PCDHA6: variants seen among roughly 807,000 people sequenced by gnomAD.
The protein encoded by PCDHA6 is protocadherin alpha-6.
A neutral mutation model predicts 60.3 loss-of-function variants in PCDHA6; 55 were observed. The observed-to-expected ratio is 0.91, with a 90% CI of 0.73 to 1.14. PCDHA6 has a LOEUF of 1.14. Ranked by LOEUF, PCDHA6 falls within the 50% of genes most tolerant of loss-of-function variation. The pLI is 0.00. For synonymous variants in PCDHA6, 652 were observed against 557.9 expected, an observed-to-expected ratio of 1.17 and a Z score of -2.38; for missense variants, 1,327 against 1,256.5, an observed-to-expected ratio of 1.06 and a Z score of -0.85.
At chr5:140,932,727 A>G (rs927294598) in intron 1 of PCDHA6, among the ~76,000 whole-genome samples, 2 of 151,954 alleles carry the variant, frequency 1.3e-5, no homozygotes, top group Non-Finnish European at 2.9e-5. Flanking sequence ...ATTGTATAAT[A>G]TAGACCCTCA....
chr5:140,900,252 AG>A (rs2067859572), intron 1 of PCDHA6, among the ~76,000 whole-genome samples: 1 of 152,096 alleles, frequency 6.6e-6, no homozygotes, highest in South Asian at 2.1e-4. Flanking sequence ...ATGGCTGAAT[AG>A]TACTCCATTG....
intron 1 of PCDHA6, among the ~76,000 whole-genome samples, chr5:140,969,715 A>G (rs1312398688): frequency 6.6e-6 from 1 of 152,082 alleles, no homozygotes; most frequent in Non-Finnish European, 1.5e-5. Context: ...CTACAGGGAA[A>G]TTTTTCTTTT....
chr5:140,927,260 T>G, intron 1 of PCDHA6: 2 of 1,614,070 alleles, frequency 1.2e-6, no homozygotes, highest in Non-Finnish European at 1.7e-6. Flanking sequence ...AACTCACCTC[T>G]CTTTCCTGCC....
chr5:140,890,045 T>C (rs1192229071), intron 1 of PCDHA6, among the ~76,000 whole-genome samples: 1 of 152,206 alleles, frequency 6.6e-6, no homozygotes, highest in African/African-American at 2.4e-5. Context: ...TGTAGTGTGT[T>C]GGAGCTGGCT....
At chr5:140,985,847 C>T (rs1178290779) in intron 3 of PCDHA6, among the ~76,000 whole-genome samples, 4 of 150,300 alleles carry the variant, frequency 2.7e-5, no homozygotes, top group African/African-American at 7.3e-5. Context: ...TCATGCCACT[C>T]TCCTGCCTCA....
chr5:140,998,017 C>T (rs555584429), intron 3 of PCDHA6, among the ~76,000 whole-genome samples: 67 of 152,292 alleles, frequency 4.4e-4, no homozygotes, highest in African/African-American at 1.4e-3. Context: ...ATCCCCACCT[C>T]GAGCTAGTGC....
chr5:140,881,319 T>C lies in PCDHA6; in HGVS notation c.2394+50834T>C, dbSNP rs183772489. Reference sequence around the variant, plus strand: ...AAACTTTAACCTCCTGGTTAAATTCTATTTAACCAGGACGCCGATTCGGGC... The same window carrying C: ...AAACTTTAACCTCCTGGTTAAATTCCATTTAACCAGGACGCCGATTCGGGC... On this transcript the variant is annotated intron_variant, in intron 1 of 3. Transcript: ENST00000529310. 1.0e-4 allele frequency: 101 copies of C among 979,186 alleles called. No individual in the cohort carries two copies. The African/African-American group carries it at 1.7e-3, about 17-fold the overall frequency. 60.7% of individuals were successfully genotyped at this position (979,186 alleles called of 1,614,324 possible).
chr5:141,009,863 A>G lies in PCDHA6; in HGVS notation c.2779A>G (p.Lys927Glu). 1 of 1,614,104 alleles carries G rather than the reference A, an allele frequency of 6.2e-7. No homozygotes were observed. Among genetic ancestry groups the G allele is most frequent in the Non-Finnish European group, 8.5e-7 (1 of 1,180,006 alleles). Residue 927 changes from lysine to glutamate, a missense_variant, in exon 4 of 4, where the codon AAA becomes GAA. Coordinates refer to ENST00000529310, the MANE Select transcript of PCDHA6 (RefSeq NM_018909.4). ...GKKEETKKKK[K>E]KKKGNKTQEK... ...AAAGGAGGAGACCAAGAAAAAGAAG[A>G]AAAAGAAGAAGGGTAACAAGACCCA...
At chr5:140,902,442 T>G (rs1182491503) in intron 1 of PCDHA6, among the ~76,000 whole-genome samples, 1 of 152,166 alleles carries the variant, frequency 6.6e-6, no homozygotes, top group Non-Finnish European at 1.5e-5. Flanking sequence ...CCTTGTCATA[T>G]TCTAGATCCT....
intron 1 of PCDHA6, chr5:140,841,197 A>G: frequency 7.8e-7 from 1 of 1,277,430 alleles, no homozygotes; most frequent in Non-Finnish European, 1.1e-6. Context: ...CTTTTCTCTG[A>G]CAGCATCTGT....
intron 1 of PCDHA6, among the ~76,000 whole-genome samples, chr5:140,889,484 A>G (rs2062245315): frequency 6.6e-6 from 1 of 152,158 alleles, no homozygotes; most frequent in Admixed American, 6.5e-5. Context: ...TACTTTCTAC[A>G]GAATCTATAG....
At position 140,847,428 on chromosome 5, in the gene PCDHA6, C is replaced by T. The variant is rs1464927725; in HGVS notation, c.2394+16943C>T. ...AAACACTCACGGTTTTGCCTTTAGA[C>T]TTGAGATACACTAAAATCTAGATTT... On this transcript the variant is annotated intron_variant, in intron 1 of 3. Coordinates refer to ENST00000529310, the MANE Select transcript of PCDHA6 (RefSeq NM_018909.4). 2.7e-5 allele frequency: 4 copies of T among 149,590 alleles called. 2 individuals are homozygous for T. Among genetic ancestry groups the T allele is most frequent in the Non-Finnish European group, 6.0e-5 (4 of 66,914 alleles). The allele number at this position is 149,590 out of a possible 1,614,324, so 9.3% of individuals were successfully genotyped here.
chr5:140,828,136 C>G lies in PCDHA6; in HGVS notation c.45C>G (p.Leu15=), dbSNP rs936364862. The G allele has an allele frequency of 6.2e-7, 1 of 1,613,734 alleles. No individual in the cohort carries two copies. Reference sequence around the variant, plus strand: ...ATAGATTGGGAAAGCAATGTCTGCTCCTCCCGCTTCTGCTCCTCGCAGCCT... The same window carrying G: ...ATAGATTGGGAAAGCAATGTCTGCTGCTCCCGCTTCTGCTCCTCGCAGCCT... ...PEDRLGKQCL[L]LPLLLLAAWK... Residue 15 remains leucine (L), a synonymous_variant, in exon 1 of 4, where the codon CTC becomes CTG. Transcript: ENST00000529310.
intron 1 of PCDHA6, chr5:140,869,778 C>T (rs782226363): frequency 4.0e-5 from 65 of 1,612,804 alleles, no homozygotes; most frequent in Admixed American, 5.0e-5. Flanking sequence ...TTACTGGCAC[C>T]GTTCGGCTGT....
chr5:140,909,061 A>G (rs2074290709), intron 1 of PCDHA6, among the ~76,000 whole-genome samples: 2 of 152,188 alleles, frequency 1.3e-5, no homozygotes, highest in African/African-American at 4.8e-5. Context: ...CAAATGTCTC[A>G]CCAATAAGCC....
At chr5:140,966,267 G>T (rs141363782) in intron 1 of PCDHA6, 112 of 351,092 alleles carry the variant, frequency 3.2e-4, no homozygotes, top group Non-Finnish European at 4.7e-4. Context: ...GAGACTGGAT[G>T]AACTGGACAG....
chr5:141,000,279 G>A (rs528257063), intron 3 of PCDHA6, among the ~76,000 whole-genome samples: 60 of 151,092 alleles, frequency 4.0e-4, no homozygotes, highest in Middle Eastern at 3.4e-3. Context: ...GGAGGCAGAG[G>A]TGGGAATATT....
chr5:140,883,925 G>T (rs1554180613), intron 1 of PCDHA6: 2 of 1,613,466 alleles, frequency 1.2e-6, no homozygotes, highest in Non-Finnish European at 1.7e-6. Context: ...GACGCTGCAG[G>T]TGTTCGTGCT....
intron 1 of PCDHA6, chr5:140,883,938 A>C (rs782647232): frequency 6.2e-7 from 1 of 1,613,360 alleles, no homozygotes; most frequent in East Asian, 2.2e-5. Context: ...TTCGTGCTGG[A>C]CGAGAACGAC....
Sources: allele counts gnomAD v4.1 joint callset (sites outside exome capture counted in the v4.1 genomes callset), GRCh38; gene constraint gnomAD v4.1.1; transcripts MANE v1.5; gene names NCBI Gene and HGNC (gene_info 2026-07-23, HGNC 2026-07-21).